LDLRAP1: variants seen among roughly 807,000 people sequenced by gnomAD.
LDLRAP1 encodes the protein low density lipoprotein receptor adapter protein 1.
A neutral mutation model predicts 37.8 loss-of-function variants in LDLRAP1; 30 were observed. The observed-to-expected ratio is 0.79, with a 90% CI of 0.59 to 1.08. The LOEUF is 1.08. Ranked by LOEUF, LDLRAP1 falls within the 50% of genes least tolerant of loss-of-function variation. LDLRAP1 has a pLI of 0.00. For synonymous variants in LDLRAP1, 156 were observed against 169.8 expected, an observed-to-expected ratio of 0.92 and a Z score of 0.63; for missense variants, 375 against 401.6, an observed-to-expected ratio of 0.93 and a Z score of 0.57.
chr1:25,570,322 C>A (rs1228393093), downstream of LDLRAP1, among the ~76,000 whole-genome samples: 1 of 152,212 alleles, frequency 6.6e-6, no homozygotes, highest in Non-Finnish European at 1.5e-5. Context: ...CTCTTTCATG[C>A]ATAAGGGATG....
chr1:25,557,671 A>C (rs910793823), intron 4 of LDLRAP1, among the ~76,000 whole-genome samples: 2 of 152,138 alleles, frequency 1.3e-5, no homozygotes, highest in African/African-American at 4.8e-5. Flanking sequence ...GAGAGCCGTC[A>C]GAGAACCAGG....
intron 1 of LDLRAP1, among the ~76,000 whole-genome samples, chr1:25,551,353 G>C (rs960450271): frequency 6.6e-6 from 1 of 152,170 alleles, no homozygotes; most frequent in African/African-American, 2.4e-5. Context: ...CTAGAATTAA[G>C]GTAGTTTGCT....
At chr1:25,563,012 T>G in intron 5 of LDLRAP1, 58 bp from the exon 6 acceptor site, 2 of 1,525,716 alleles carry the variant, frequency 1.3e-6, no homozygotes, top group Non-Finnish European at 1.8e-6. Context: ...GCCCGGTGAT[T>G]GCTGGGGACA....
At chr1:25,588,529 C>A in the LDLRAP1 span, among the ~76,000 whole-genome samples, 1 of 152,160 alleles carries the variant, frequency 6.6e-6, no homozygotes, top group African/African-American at 2.4e-5. Flanking sequence ...AATTCTTAAC[C>A]TTGTTTATGA....
the LDLRAP1 span, among the ~76,000 whole-genome samples, chr1:25,587,668 T>C: frequency 1.3e-5 from 2 of 152,188 alleles, no homozygotes; most frequent in South Asian, 2.1e-4. Context: ...ACTGTGCACA[T>C]AGGCGTGGAG....
At position 25,565,351 on chromosome 1, in the gene LDLRAP1, A is replaced by G. The variant is rs1481493166; in HGVS notation, c.782+144A>G. 3 of 922,994 alleles carry G rather than the reference A, an allele frequency of 3.3e-6. No individual in the cohort carries two copies. In the East Asian group the frequency reaches 7.4e-5, roughly 23 times the overall value. 57.2% of individuals were successfully genotyped at this position (922,994 alleles called of 1,614,324 possible). On this transcript the variant is annotated intron_variant, in intron 8 of 8. Coordinates refer to ENST00000374338, the MANE Select transcript of LDLRAP1 (RefSeq NM_015627.3). ...AGCAACAGTCCCATCCCTCCACTCA[A>G]ATGCTTCCAGGGGCAGGGAGCTCAC...
rs2124696794 is a variant in LDLRAP1, at chr1:25,565,168, C to T, written c.748-5C>T. 3 of 1,614,142 alleles carry T rather than the reference C, an allele frequency of 1.9e-6. No homozygotes were observed. Among genetic ancestry groups the T allele is most frequent in the Non-Finnish European group, 2.5e-6 (3 of 1,179,984 alleles). ...GTTCTTATCTCCTGCTTTGTTTTCC[C>T]CAAGGAGCTGGATGATGGCCTGGAT... On this transcript the variant is annotated splice_polypyrimidine_tract_variant and splice_region_variant and intron_variant, in intron 7 of 8. Transcript: ENST00000374338.
chr1:25,580,721 G>A, the LDLRAP1 span, among the ~76,000 whole-genome samples: 7 of 151,976 alleles, frequency 4.6e-5, no homozygotes, highest in African/African-American at 1.2e-4. Flanking sequence ...TACATTGCCC[G>A]GGCTGGTCTC....
chr1:25,543,900 C>T, intron 1 of LDLRAP1, 114 bp downstream of exon 1: 4 of 600,638 alleles, frequency 6.7e-6, no homozygotes, highest in Non-Finnish European at 9.4e-6. Flanking sequence ...CACCGGCGCT[C>T]CGGTCCCGGC....
chr1:25,565,703 G>A (rs777508302), intron 8 of LDLRAP1, among the ~76,000 whole-genome samples: 6 of 152,190 alleles, frequency 3.9e-5, no homozygotes, highest in Non-Finnish European at 8.8e-5. Context: ...GCATTTCCCC[G>A]TTTTCCCAGG....
chr1:25,564,889 G>A (rs2044435866), intron 7 of LDLRAP1: 2 of 466,516 alleles, frequency 4.3e-6, no homozygotes, highest in Admixed American at 6.6e-5. Context: ...CTTGCCCAAG[G>A]TCTCACGGGC....
chr1:25,569,168 CTG>C (rs1180775514), downstream of LDLRAP1, among the ~76,000 whole-genome samples: 3 of 152,244 alleles, frequency 2.0e-5, no homozygotes, highest in Non-Finnish European at 4.4e-5. Flanking sequence ...CGGCGGGGGA[CTG>C]TGGCCAGGCT....
At chr1:25,556,425 C>T (rs2044201846) in intron 3 of LDLRAP1, among the ~76,000 whole-genome samples, 2 of 152,178 alleles carry the variant, frequency 1.3e-5, no homozygotes, top group African/African-American at 2.4e-5. Flanking sequence ...CACTGGGGCT[C>T]CTTGTTGGGT....
Position 25,544,630 on chromosome 1 carries a change from G to A in LDLRAP1, c.88+844G>A, listed in dbSNP as rs1325333188. 6.6e-6 allele frequency among the ~76,000 whole-genome samples: 1 copy of A among 152,262 alleles called. No individual in the cohort carries two copies. The highest frequency in any genetic ancestry group is 1.9e-4 in the East Asian group (1 of 5,174). ...TCCCCCAGTCTCTGATTACGCTCAG[G>A]GAACTTGTCACCTGGCACCTTCCCC... is the stretch of plus-strand genomic sequence containing the variant. On this transcript the variant is annotated intron_variant, in intron 1 of 8. Coordinates refer to ENST00000374338, the MANE Select transcript of LDLRAP1 (RefSeq NM_015627.3). The surrounding 1 kb of genome is among the most constrained non-coding windows in gnomAD (Gnocchi z 4.8).
chr1:25,579,407 T>C, the LDLRAP1 span, among the ~76,000 whole-genome samples: 1 of 152,124 alleles, frequency 6.6e-6, no homozygotes, highest in African/African-American at 2.4e-5. Context: ...GAGGAACTGA[T>C]AGGATTTAGG....
chr1:25,557,748 T>C (rs1196791979), intron 4 of LDLRAP1, among the ~76,000 whole-genome samples: 1 of 151,856 alleles, frequency 6.6e-6, no homozygotes, highest in Non-Finnish European at 1.5e-5. Context: ...TCATTCCAGC[T>C]GTGACCAGAG....
the LDLRAP1 span, among the ~76,000 whole-genome samples, chr1:25,586,436 C>G: frequency 6.6e-6 from 1 of 152,126 alleles, no homozygotes; most frequent in Non-Finnish European, 1.5e-5. This position sits in a 1 kb window ranked among gnomAD's most constrained non-coding sequence, Gnocchi z 4.3. Flanking sequence ...CCATCAGGGC[C>G]ACAGCATTTC....
chr1:25,543,630 G>A lies in LDLRAP1; in HGVS notation c.-69G>A, dbSNP rs1572013541. 1 of 1,111,482 alleles carries A rather than the reference G, an allele frequency of 9.0e-7. No homozygotes were observed. The highest frequency in any genetic ancestry group is 1.1e-6 in the Non-Finnish European group (1 of 886,492). The allele number at this position is 1,111,482 out of a possible 1,614,324, so 68.9% of individuals were successfully genotyped here. ...AGGAGCGCGCAGCCCGCGCGCCGCA[G>A]GGCCGGGCGGAAAGTTTTTCCTGAC... On this transcript the variant is annotated 5_prime_UTR_variant, in exon 1 of 9. Coordinates refer to ENST00000374338, the MANE Select transcript of LDLRAP1 (RefSeq NM_015627.3).
At chr1:25,551,049 T>G (rs1302813249) in intron 1 of LDLRAP1, among the ~76,000 whole-genome samples, 1 of 151,750 alleles carries the variant, frequency 6.6e-6, no homozygotes, top group Non-Finnish European at 1.5e-5. Flanking sequence ...TTGCCAGGGG[T>G]AGGGATGGAT....
Sources: gnomAD v4.1 joint callset for allele counts (sites outside exome capture counted in the v4.1 genomes callset) on GRCh38, gnomAD v4.1.1 for gene constraint, Gnocchi (gnomAD v3.1) non-coding constraint, MANE v1.5 for transcripts, NCBI Gene and HGNC (gene_info 2026-07-23, HGNC 2026-07-21) for gene names.